The following DGKG variants were observed in gnomAD, a reference collection of about 807,000 sequenced individuals.
DGKG encodes the protein diacylglycerol kinase gamma, also known as DAG kinase gamma.
DGKG carries 78 observed loss-of-function variants against 105.3 expected under a neutral mutation model. The observed-to-expected ratio is 0.74, with a 90% CI of 0.62 to 0.89. DGKG has a LOEUF of 0.89. Ranked by LOEUF, DGKG falls within the 40% of genes least tolerant of loss-of-function variation. The pLI, the probability that DGKG is intolerant of heterozygous loss-of-function variation, is 0.00. For missense variants in DGKG, 958 were observed against 1,020.1 expected, an observed-to-expected ratio of 0.94 and a Z score of 0.83; for synonymous variants, 346 against 367.1, an observed-to-expected ratio of 0.94 and a Z score of 0.66.
intron 22 of DGKG, among the ~76,000 whole-genome samples, chr3:186,168,412 A>G (rs931464307): frequency 6.6e-6 from 1 of 152,232 alleles, no homozygotes; most frequent in Non-Finnish European, 1.5e-5. Context: ...GGAAAATAGA[A>G]AAAGGAGAAT....
chr3:186,230,317 A>G (rs1720088374), intron 20 of DGKG, among the ~76,000 whole-genome samples: 1 of 152,226 alleles, frequency 6.6e-6, no homozygotes, highest in Non-Finnish European at 1.5e-5. Context: ...TTGGAGATGG[A>G]GTGTAAGAGA....
At chr3:186,209,706 C>A (rs928518649) in intron 21 of DGKG, among the ~76,000 whole-genome samples, 37 of 152,194 alleles carry the variant, frequency 2.4e-4, no homozygotes, top group African/African-American at 8.4e-4. Context: ...TCTCCCATCT[C>A]CCTGCAAGGC....
chr3:186,188,364 C>T lies in DGKG; in HGVS notation c.1933G>A (p.Val645Met). ...HIELECDGVG[V>M]DLSNIFLEGI... ...TCCAGGAAGATGTTGCTCAGGTCCA[C>T]CCCAACCCCATCACACTGGAGGACG... The change falls in exon 22 of 25, where the codon GTG (valine) becomes ATG (methionine). Residue 645 changes from valine (V) to methionine (M), a missense_variant. Val to Met is a conservative substitution (Grantham distance 21). Around this residue, in one of 2 missense-constraint regions of DGKG, gnomAD observed 315 missense variants for 400.6 expected, o/e 0.79. Coordinates refer to ENST00000265022, the MANE Select transcript of DGKG (RefSeq NM_001346.3). 2 of 1,614,082 alleles carry T rather than the reference C, an allele frequency of 1.2e-6. No homozygotes were observed. The highest frequency in any genetic ancestry group is 8.5e-7 in the Non-Finnish European group (1 of 1,180,016).
intron 17 of DGKG, among the ~76,000 whole-genome samples, chr3:186,255,813 G>T (rs879434739): frequency 6.6e-6 from 1 of 152,150 alleles, no homozygotes; most frequent in African/African-American, 2.4e-5. Context: ...GGGGACCATG[G>T]GGGGGCGCTG....
At chr3:186,298,569 C>T (rs1160376798) in intron 3 of DGKG, among the ~76,000 whole-genome samples, 1 of 152,088 alleles carries the variant, frequency 6.6e-6, no homozygotes, top group Non-Finnish European at 1.5e-5. Flanking sequence ...GGAGTGGAGG[C>T]CAAAGTGCAG....
At chr3:186,235,230 T>C (rs1180410312) in intron 20 of DGKG, among the ~76,000 whole-genome samples, 1 of 152,246 alleles carries the variant, frequency 6.6e-6, no homozygotes, top group Admixed American at 6.5e-5. Context: ...TTTGTATTTC[T>C]TTATAAATAC....
chr3:186,156,589 A>G (rs1178486251), intron 24 of DGKG, among the ~76,000 whole-genome samples: 1 of 152,058 alleles, frequency 6.6e-6, no homozygotes, highest in Non-Finnish European at 1.5e-5. Flanking sequence ...CATTGTTTGT[A>G]GAGTTAAAGA....
intron 19 of DGKG, among the ~76,000 whole-genome samples, chr3:186,244,394 T>C (rs1720836442): frequency 6.6e-6 from 1 of 150,986 alleles, no homozygotes; most frequent in Non-Finnish European, 1.5e-5. Context: ...AAATTTAAAC[T>C]TTAGCTATTG....
At chr3:186,223,124 A>G (rs1288022537) in intron 20 of DGKG, among the ~76,000 whole-genome samples, 1 of 149,504 alleles carries the variant, frequency 6.7e-6, no homozygotes, top group African/African-American at 2.4e-5. Flanking sequence ...CTGAGTTCCA[A>G]CTTAAAGTAC....
intron 11 of DGKG, 46 bp from the exon 12 acceptor site, chr3:186,268,963 G>C: frequency 7.2e-7 from 1 of 1,393,234 alleles, no homozygotes; most frequent in South Asian, 1.2e-5. Flanking sequence ...GCAGAACCAT[G>C]TCCCCGGGGC....
At chr3:186,295,619 A>C (rs1031033982) in intron 5 of DGKG, among the ~76,000 whole-genome samples, 112 of 148,212 alleles carry the variant, frequency 7.6e-4, no homozygotes, top group Middle Eastern at 3.5e-3. Context: ...AAGCTTTTCA[A>C]TAAAATGATA....
intron 19 of DGKG, among the ~76,000 whole-genome samples, chr3:186,250,405 G>A (rs928925752): frequency 6.6e-6 from 1 of 151,930 alleles, no homozygotes; most frequent in Non-Finnish European, 1.5e-5. Context: ...AAGGGATGAT[G>A]TGTGCAGCAA....
At chr3:186,319,368 G>C (rs1329529992) in intron 2 of DGKG, among the ~76,000 whole-genome samples, 1 of 152,170 alleles carries the variant, frequency 6.6e-6, no homozygotes, top group African/African-American at 2.4e-5. Flanking sequence ...AGCATAGAGA[G>C]CAAGAGGCAG....
intron 15 of DGKG, 99 bp from the exon 16 acceptor site, chr3:186,260,612 G>A: frequency 1.1e-6 from 1 of 910,282 alleles, no homozygotes; most frequent in South Asian, 1.5e-5. Context: ...GAGCCCACTG[G>A]TGGCAGGGAT....
chr3:186,300,094 C>T (rs957193133), intron 3 of DGKG, among the ~76,000 whole-genome samples: 4 of 152,098 alleles, frequency 2.6e-5, no homozygotes, highest in Non-Finnish European at 4.4e-5. Context: ...GCCTTGGCTT[C>T]CCAAAGTGCT....
chr3:186,302,361 A>C (rs904862078), intron 3 of DGKG, among the ~76,000 whole-genome samples: 1 of 151,258 alleles, frequency 6.6e-6, no homozygotes, highest in East Asian at 2.0e-4. Context: ...ATCAACTACT[A>C]TGGGATCCAT....
chr3:186,293,986 C>T (rs531779016), intron 5 of DGKG, among the ~76,000 whole-genome samples: 1 of 152,314 alleles, frequency 6.6e-6, no homozygotes, highest in African/African-American at 2.4e-5. Flanking sequence ...CTGTATACCT[C>T]CTTGGGCCAA....
chr3:186,335,084 A>G (rs904208908), intron 1 of DGKG, among the ~76,000 whole-genome samples: 1 of 152,150 alleles, frequency 6.6e-6, no homozygotes, highest in African/African-American at 2.4e-5. Context: ...CCTTGGGTCT[A>G]ACCCAAGTCC....
intron 2 of DGKG, among the ~76,000 whole-genome samples, chr3:186,309,405 T>C (rs942067953): frequency 1.4e-4 from 22 of 152,192 alleles, no homozygotes; most frequent in Admixed American, 9.8e-4. Context: ...TTTGAAATGG[T>C]TAAAGATTTT....
Sources: allele counts gnomAD v4.1 joint callset (sites outside exome capture counted in the v4.1 genomes callset), GRCh38; gene constraint gnomAD v4.1.1; regional missense constraint gnomAD v4.1.1; transcripts MANE v1.5; gene names NCBI Gene and HGNC (gene_info 2026-07-23, HGNC 2026-07-21).